Variants in RPH3A observed in about 807,000 individuals in gnomAD.
The protein encoded by RPH3A is rabphilin-3A.
A neutral mutation model predicts 102.2 loss-of-function variants in RPH3A; 48 were observed. That is an observed-to-expected ratio of 0.47 (90% CI 0.37 to 0.60). RPH3A has a LOEUF of 0.60. RPH3A is among the 20% of genes least tolerant of loss of function. The pLI is 0.00. For missense variants in RPH3A, 781 were observed against 910.1 expected, an observed-to-expected ratio of 0.86 and a Z score of 1.83; for synonymous variants, 310 against 324.3, an observed-to-expected ratio of 0.96 and a Z score of 0.47.
chr12:112,708,003 G>C (rs959214110), intron 1 of RPH3A, among the ~76,000 whole-genome samples: 9 of 152,210 alleles, frequency 5.9e-5, no homozygotes, highest in Non-Finnish European at 1.5e-5. Flanking sequence ...CAAAGAGTAC[G>C]GGCTGAAGTC....
At chr12:112,707,978 A>G (rs1195425985) in intron 1 of RPH3A, among the ~76,000 whole-genome samples, 1 of 152,230 alleles carries the variant, frequency 6.6e-6, no homozygotes, top group African/African-American at 2.4e-5. Flanking sequence ...GTAGTGGGCC[A>G]AGGTGTTGAT....
At chr12:112,646,685 G>A (rs1380752616) in intron 1 of RPH3A, among the ~76,000 whole-genome samples, 2 of 152,172 alleles carry the variant, frequency 1.3e-5, no homozygotes, top group Non-Finnish European at 2.9e-5. Flanking sequence ...GAAAAGTGGT[G>A]TCCCCTCTCT....
chr12:112,816,300 G>A (rs1391709583), intron 2 of RPH3A, among the ~76,000 whole-genome samples: 3 of 152,270 alleles, frequency 2.0e-5, no homozygotes, highest in Middle Eastern at 3.4e-3. Context: ...CAAATAAGAC[G>A]TTGCATGTGA....
intron 11 of RPH3A, 34 bp from the exon 12 acceptor site, chr12:112,875,645 G>A (rs2042783876): frequency 6.3e-7 from 1 of 1,583,236 alleles, no homozygotes; most frequent in African/African-American, 1.4e-5. Flanking sequence ...CACCCTCTCT[G>A]CTGCATCTCT....
chr12:112,770,792 T>G lies in RPH3A; in HGVS notation c.-139-21351T>G, dbSNP rs570681731. On this transcript the variant is annotated intron_variant, in intron 1 of 21. Coordinates refer to the RPH3A transcript ENST00000543106. Reference sequence around the variant, plus strand: ...TGGCAGAAAATATAATTGAACACAATTGCATGTTTCACTTGAATGCTTGGG... The same window carrying G: ...TGGCAGAAAATATAATTGAACACAAGTGCATGTTTCACTTGAATGCTTGGG... Among the ~76,000 whole-genome samples, 3 of 152,236 alleles carry G rather than the reference T, an allele frequency of 2.0e-5. No individual in the cohort carries two copies. In the South Asian group the frequency reaches 6.2e-4, roughly 32 times the overall value.
chr12:112,812,169 G>T (rs1420678147), intron 2 of RPH3A, among the ~76,000 whole-genome samples: 1 of 152,198 alleles, frequency 6.6e-6, no homozygotes, highest in Non-Finnish European at 1.5e-5. Flanking sequence ...TAGTTACAAG[G>T]GGGAATATGC....
intron 2 of RPH3A, among the ~76,000 whole-genome samples, chr12:112,822,728 G>T (rs2041802890): frequency 6.6e-6 from 1 of 152,210 alleles, no homozygotes; most frequent in African/African-American, 2.4e-5. Flanking sequence ...ACCTTGGAAA[G>T]TTCACTTAAA....
At chr12:112,582,909 CTTT>C (rs1300027552) in intron 1 of RPH3A, among the ~76,000 whole-genome samples, 1 of 152,164 alleles carries the variant, frequency 6.6e-6, no homozygotes, top group African/African-American at 2.4e-5. Flanking sequence ...ATTTCTCCAT[CTTT>C]TTATTTTCCT....
intron 1 of RPH3A, among the ~76,000 whole-genome samples, chr12:112,755,285 A>G (rs921014208): frequency 6.1e-5 from 8 of 130,454 alleles, no homozygotes; most frequent in African/African-American, 2.6e-4. Context: ...AAAATTGAAT[A>G]TATATATGTA....
intron 1 of RPH3A, among the ~76,000 whole-genome samples, chr12:112,749,921 A>G (rs531444826): frequency 1.3e-5 from 2 of 152,310 alleles, no homozygotes; most frequent in Non-Finnish European, 2.9e-5. Context: ...AACCTCACCA[A>G]GGAGTCCAGA....
At chr12:112,653,504 C>A (rs1037452774) in intron 1 of RPH3A, among the ~76,000 whole-genome samples, 1 of 152,042 alleles carries the variant, frequency 6.6e-6, no homozygotes, top group Middle Eastern at 3.4e-3. Flanking sequence ...AATGCGAAGG[C>A]CTAGGACATT....
intron 1 of RPH3A, among the ~76,000 whole-genome samples, chr12:112,741,443 T>C (rs964345825): frequency 6.6e-6 from 1 of 152,196 alleles, no homozygotes; most frequent in Non-Finnish European, 1.5e-5. Context: ...AACATTTTTG[T>C]TCTTTCCCTC....
chr12:112,891,187 C>G, intron 19 of RPH3A, 184 bp downstream of exon 19: 2 of 644,196 alleles, frequency 3.1e-6, no homozygotes, highest in South Asian at 2.0e-5. Context: ...GAGTCTCAGG[C>G]AGTCAAACTG....
At chr12:112,883,502 GA>G in intron 16 of RPH3A, 100 bp downstream of exon 16, 1 of 773,854 alleles carries the variant, frequency 1.3e-6, no homozygotes, top group South Asian at 1.5e-5. Context: ...ACTCTAAAAA[GA>G]TCTCTACATA....
rs146910797 is a variant in RPH3A at position 112,876,606 on chromosome 12, T to C, written c.947-36T>C. ...AGGTGCTGCTGTTATGAAACAGGGATGCAGCTGCATGTTTCCTGTCCTTAT... is the reference window on the plus strand; with the variant it reads ...AGGTGCTGCTGTTATGAAACAGGGACGCAGCTGCATGTTTCCTGTCCTTAT... On this transcript the variant is annotated intron_variant, in intron 12 of 21. Coordinates refer to ENST00000389385, the MANE Select transcript of RPH3A (RefSeq NM_001143854.2). The C allele has an allele frequency of 5.0e-5, 71 of 1,431,980 alleles. No individual in the cohort carries two copies. In the African/African-American group the frequency reaches 7.9e-4, roughly 16 times the overall value. The allele number at this position is 1,431,980 out of a possible 1,614,324, so 88.7% of individuals were successfully genotyped here.
intron 1 of RPH3A, among the ~76,000 whole-genome samples, chr12:112,614,897 C>T (rs557819680): frequency 6.6e-6 from 1 of 152,140 alleles, no homozygotes; most frequent in South Asian, 2.1e-4. Flanking sequence ...TGAGCCTCCT[C>T]TCTCAGCCTC....
intron 1 of RPH3A, among the ~76,000 whole-genome samples, chr12:112,580,916 C>T (rs1159558943): frequency 1.3e-5 from 2 of 152,114 alleles, no homozygotes; most frequent in Non-Finnish European, 2.9e-5. Flanking sequence ...AAGAATTACA[C>T]TGACATTCAA....
intron 1 of RPH3A, among the ~76,000 whole-genome samples, chr12:112,644,109 G>A (rs1036362180): frequency 6.6e-6 from 1 of 152,182 alleles, no homozygotes. Flanking sequence ...ACACATGGGC[G>A]TAGAGAGTGG....
intron 14 of RPH3A, among the ~76,000 whole-genome samples, chr12:112,880,804 T>C (rs190623036): frequency 6.6e-6 from 1 of 152,252 alleles, no homozygotes; most frequent in Non-Finnish European, 1.5e-5. Context: ...TTAGGTATTA[T>C]GTACTGTATT....
Sources: gnomAD v4.1 joint callset for allele counts (sites outside exome capture counted in the v4.1 genomes callset) on GRCh38, gnomAD v4.1.1 for gene constraint, MANE v1.5 for transcripts, NCBI Gene and HGNC (gene_info 2026-07-23, HGNC 2026-07-21) for gene names.